NR2C1: variants seen among roughly 807,000 people sequenced by gnomAD.
NR2C1 encodes TR2 nuclear hormone receptor.
A neutral mutation model predicts 74.8 loss-of-function variants in NR2C1; 33 were observed. The ratio of observed to expected loss-of-function variants is 0.44; its 90% confidence interval spans 0.33 to 0.59. The LOEUF is 0.59. Ranked by LOEUF, NR2C1 falls within the 20% of genes least tolerant of loss-of-function variation. The pLI is 0.02. For synonymous variants in NR2C1, 225 were observed against 240.6 expected, an observed-to-expected ratio of 0.94 and a Z score of 0.60; for missense variants, 568 against 715.6, an observed-to-expected ratio of 0.79 and a Z score of 2.35.
intron 10 of NR2C1, among the ~76,000 whole-genome samples, chr12:95,035,820 A>G (rs1870749553): frequency 6.6e-6 from 1 of 152,242 alleles, no homozygotes; most frequent in East Asian, 1.9e-4. Context: ...TAAGAGAATG[A>G]CGAAGAATGA....
At chr12:95,054,457 C>A (rs1873534417) in intron 7 of NR2C1, among the ~76,000 whole-genome samples, 2 of 152,064 alleles carry the variant, frequency 1.3e-5, no homozygotes, top group South Asian at 4.1e-4. Context: ...CAGGCATGTA[C>A]CACCATGCCT....
intron 7 of NR2C1, among the ~76,000 whole-genome samples, chr12:95,053,665 GT>G (rs1873366340): frequency 7.1e-6 from 1 of 141,610 alleles, no homozygotes; most frequent in African/African-American, 2.6e-5. Context: ...TTTCTTCATG[GT>G]TTTTTCTTTT....
chr12:95,051,541 G>A (rs556326131), intron 8 of NR2C1, among the ~76,000 whole-genome samples: 1 of 152,334 alleles, frequency 6.6e-6, no homozygotes, highest in African/African-American at 2.4e-5. Context: ...AGAAAGGCCT[G>A]CATGGTACCC....
intron 7 of NR2C1, among the ~76,000 whole-genome samples, chr12:95,055,364 T>G (rs1873682288): frequency 6.6e-6 from 1 of 152,230 alleles, no homozygotes; most frequent in African/African-American, 2.4e-5. Context: ...ATTCTAACCT[T>G]GAATCATGCA....
At chr12:95,045,770 G>A (rs576461904) in intron 9 of NR2C1, among the ~76,000 whole-genome samples, 5 of 151,870 alleles carry the variant, frequency 3.3e-5, no homozygotes, top group Non-Finnish European at 7.4e-5. Context: ...ATCTTCTAAG[G>A]AGATTTTAAG....
chr12:95,045,551 T>C (rs1872204984), intron 9 of NR2C1, among the ~76,000 whole-genome samples: 1 of 152,114 alleles, frequency 6.6e-6, no homozygotes, highest in Non-Finnish European at 1.5e-5. Context: ...AGCAATGGAA[T>C]GGTTAAAATT....
At chr12:95,042,497 G>GCCA (rs1871692909) in intron 9 of NR2C1, among the ~76,000 whole-genome samples, 1 of 152,062 alleles carries the variant, frequency 6.6e-6, no homozygotes, top group Non-Finnish European at 1.5e-5. Context: ...ACAGGCATGA[G>GCCA]CCACCGCACC....
At chr12:95,043,187 G>A (rs11107872) in intron 9 of NR2C1, among the ~76,000 whole-genome samples, 38,366 of 151,974 alleles carry the variant, frequency 0.25, 5,333 homozygotes, top group Non-Finnish European at 0.27. Flanking sequence ...CTTTAGCCCA[G>A]GAGGTAGAGG....
chr12:95,037,878 G>A (rs571023213), intron 10 of NR2C1, among the ~76,000 whole-genome samples: 1 of 134,734 alleles, frequency 7.4e-6, no homozygotes, highest in African/African-American at 2.8e-5. Flanking sequence ...CTGGGCGACA[G>A]AGCGAGCCTC....
chr12:95,046,348 G>A (rs893749964), intron 9 of NR2C1, among the ~76,000 whole-genome samples: 6 of 152,186 alleles, frequency 3.9e-5, no homozygotes, highest in Non-Finnish European at 8.8e-5. Context: ...CACTTCGGGA[G>A]GCCGAAGTGA....
chr12:95,062,536 G>C lies in NR2C1; in HGVS notation c.257C>G (p.Thr86Ser). 6.2e-7 allele frequency: 1 copy of C among 1,611,214 alleles called. No individual in the cohort carries two copies. The highest frequency in any genetic ancestry group is 8.5e-7 in the Non-Finnish European group (1 of 1,178,262). Residue 86 changes from threonine to serine, a missense_variant, in exon 3 of 14, where the codon ACT becomes AGT. Coordinates refer to ENST00000333003, the MANE Select transcript of NR2C1 (RefSeq NM_003297.4). ...CAGGTGTTGTGCAGACAGATCAGGA[G>C]TGGTAAAAAATAACTGGTTGACACC... ...AAGVNQLFFTTPDLSAQHLQL... is the reference protein window; with the variant it reads ...AAGVNQLFFTSPDLSAQHLQL...
At chr12:95,069,804 A>C (rs79241850) in intron 1 of NR2C1, among the ~76,000 whole-genome samples, 1 of 152,074 alleles carries the variant, frequency 6.6e-6, no homozygotes, top group East Asian at 1.9e-4. Context: ...GCATCCATCC[A>C]TCCATCCAAC....
chr12:95,037,260 C>T (rs2136117152), intron 10 of NR2C1, among the ~76,000 whole-genome samples: 1 of 152,266 alleles, frequency 6.6e-6, no homozygotes, highest in South Asian at 2.1e-4. Context: ...GTCACTTAAC[C>T]TAAATTTTGC....
At chr12:95,038,808 A>G (rs1291753613) in intron 10 of NR2C1, among the ~76,000 whole-genome samples, 1 of 152,182 alleles carries the variant, frequency 6.6e-6, no homozygotes, top group East Asian at 1.9e-4. Flanking sequence ...AGTAGTGTGT[A>G]CTTGGTTTTC....
intron 11 of NR2C1, among the ~76,000 whole-genome samples, chr12:95,029,290 A>G: frequency 6.6e-6 from 1 of 151,858 alleles, no homozygotes; most frequent in Middle Eastern, 3.2e-3. Context: ...CATGTTGGCC[A>G]GGCTGGTCTT....
intron 10 of NR2C1, among the ~76,000 whole-genome samples, chr12:95,036,637 C>T (rs982988040): frequency 1.3e-5 from 2 of 151,882 alleles, no homozygotes; most frequent in Admixed American, 1.3e-4. Context: ...CAGCCTCCTG[C>T]GTAGCTGGGA....
chr12:95,038,446 C>T (rs1871128462), intron 10 of NR2C1, among the ~76,000 whole-genome samples: 1 of 152,212 alleles, frequency 6.6e-6, no homozygotes, highest in African/African-American at 2.4e-5. Context: ...GAGTGAACTA[C>T]ACTTAATATT....
rs368690611 is a variant in NR2C1, at chr12:95,059,674, G to A, written c.364+232C>T. 2.6e-4 allele frequency among the ~76,000 whole-genome samples: 40 copies of A among 152,270 alleles called. 4 individuals are homozygous for A. Among genetic ancestry groups the A allele is most frequent in the East Asian group, 1.5e-3 (8 of 5,180 alleles). The stretch of plus-strand genomic sequence containing the variant: ...TGCAGTGAGCTGAGATCACGCCACT[G>A]CATTCCAGCCGGAGCAACAGTGAGA... On this transcript the variant is annotated intron_variant, in intron 4 of 13. Transcript: ENST00000333003.
rs1465276486 is a variant in NR2C1 at position 95,021,452 on chromosome 12, C to G, written c.*777G>C. ...CTTGAGCCCAGGAGTTTGAGACCAG[C>G]CTGGGCAACAGTGAAACCCACCTCT... is the stretch of plus-strand genomic sequence containing the variant. On this transcript the variant is annotated 3_prime_UTR_variant, in exon 14 of 14. Coordinates refer to ENST00000333003, the MANE Select transcript of NR2C1 (RefSeq NM_003297.4). The G allele has an allele frequency of 1.3e-5, 2 of 151,948 alleles. No individual in the cohort carries two copies. The highest frequency in any genetic ancestry group is 4.8e-5 in the African/African-American group (2 of 41,406). 9.4% of individuals were successfully genotyped at this position (151,948 alleles called of 1,614,324 possible).
Sources: allele counts gnomAD v4.1 joint callset (sites outside exome capture counted in the v4.1 genomes callset), GRCh38; gene constraint gnomAD v4.1.1; transcripts MANE v1.5; gene names NCBI Gene and HGNC (gene_info 2026-07-23, HGNC 2026-07-21).